The following TENM4 variants were observed in gnomAD, a reference collection of about 807,000 sequenced individuals.
TENM4 encodes teneurin transmembrane protein 4.
In TENM4, 82 loss-of-function variants were observed where a neutral mutation model predicts 243.3. The ratio of observed to expected loss-of-function variants is 0.34; its 90% CI spans 0.28 to 0.40. TENM4 has a LOEUF of 0.40. Among genes scored for constraint, TENM4 ranks in the 10% least tolerant of loss-of-function variants. TENM4 has a pLI of 1.00. For synonymous variants in TENM4, 1,412 were observed against 1,456.3 expected, an observed-to-expected ratio of 0.97 and a Z score of 0.69; for missense variants, 3,138 against 3,673.3, an observed-to-expected ratio of 0.85 and a Z score of 3.77.
At chr11:78,973,806 A>G (rs992148050) in intron 6 of TENM4, among the ~76,000 whole-genome samples, 1 of 151,794 alleles carries the variant, frequency 6.6e-6, no homozygotes, top group African/African-American at 2.4e-5. Flanking sequence ...CCAACTTAAT[A>G]CAAAGTTGAT....
At chr11:79,278,495 G>T (rs1373673579) in intron 2 of TENM4, among the ~76,000 whole-genome samples, 2 of 152,128 alleles carry the variant, frequency 1.3e-5, no homozygotes, top group Non-Finnish European at 2.9e-5. Context: ...CTTGCGATGG[G>T]GAAGCCAGCA....
rs377435178 is a variant in TENM4, at chr11:79,261,682, T to C, written c.-265+35806A>G. Among the ~76,000 whole-genome samples, 5 of 152,278 alleles carry C rather than the reference T, an allele frequency of 3.3e-5. No individual in the cohort carries two copies. In the East Asian group the frequency reaches 7.7e-4, roughly 24 times the overall value. ...GTAGGACGTGATGGCTTCTACAATT[T>C]TTTTGGTTTGCTTTTCTTTAGGAGG... On this transcript the variant is annotated intron_variant, in intron 2 of 33. Transcript: ENST00000278550.
Position 78,771,099 on chromosome 11 carries a change from G to T in TENM4, c.2432C>A (p.Thr811Asn), listed in dbSNP as rs1402039412. 3.2e-6 allele frequency: 5 copies of T among 1,573,610 alleles called. No homozygotes were observed. Among genetic ancestry groups the T allele is most frequent in the Non-Finnish European group, 3.5e-6 (4 of 1,159,400 alleles). The change falls in exon 18 of 34, where the codon ACC becomes AAC. Residue 811 changes from threonine to asparagine, a missense_variant. Physicochemically the swap from Thr to Asn is moderately conservative, Grantham distance 65. Transcript: ENST00000278550. Reference protein sequence around the residue: ...PGLCNGNGRCTLDLNGWHCVC... With the variant: ...PGLCNGNGRCNLDLNGWHCVC... ...GCAGTGCCAACCATTCAGGTCTAAG[G>T]TACATCTGCCGTTGCCATTGCACAA...
intron 6 of TENM4, among the ~76,000 whole-genome samples, chr11:79,030,651 A>T (rs918994815): frequency 1.4e-4 from 21 of 151,220 alleles, no homozygotes; most frequent in Non-Finnish European, 3.0e-4. Context: ...CTCAGGCAGG[A>T]CTCTTGGTGG....
chr11:78,880,276 A>G (rs567238416), intron 9 of TENM4, among the ~76,000 whole-genome samples: 2 of 152,286 alleles, frequency 1.3e-5, no homozygotes, highest in South Asian at 4.2e-4. Context: ...AAGAGTCATC[A>G]CCACTTCCTA....
chr11:79,001,153 T>C (rs1248756809), intron 6 of TENM4, among the ~76,000 whole-genome samples: 1 of 152,204 alleles, frequency 6.6e-6, no homozygotes, highest in South Asian at 2.1e-4. Flanking sequence ...TCCAATGATA[T>C]ATTGTCTATA....
chr11:78,950,924 T>C (rs1015189794), intron 6 of TENM4, among the ~76,000 whole-genome samples: 3 of 152,246 alleles, frequency 2.0e-5, no homozygotes, highest in Non-Finnish European at 2.9e-5. Context: ...GCGAAGCCCC[T>C]GGCACACTGT....
At chr11:79,349,218 G>A (rs1163968259) in intron 1 of TENM4, among the ~76,000 whole-genome samples, 1 of 152,150 alleles carries the variant, frequency 6.6e-6, no homozygotes, top group Non-Finnish European at 1.5e-5. Flanking sequence ...CAGCTCCTAT[G>A]TGAGGTTGCT....
At chr11:79,261,649 TG>T (rs148192192) in intron 2 of TENM4, among the ~76,000 whole-genome samples, 8,002 of 152,214 alleles carry the variant, frequency 0.053, 314 homozygotes, top group Middle Eastern at 0.12. Flanking sequence ...GAGAGAGCTG[TG>T]GGTTTTGTAG....
intron 33 of TENM4, among the ~76,000 whole-genome samples, chr11:78,659,367 A>C (rs1246368251): frequency 4.6e-5 from 7 of 152,216 alleles, no homozygotes; most frequent in Non-Finnish European, 8.8e-5. Flanking sequence ...GCTCACAGTC[A>C]TACAACTAAT....
intron 1 of TENM4, among the ~76,000 whole-genome samples, chr11:79,346,404 T>C (rs1218405713): frequency 6.6e-6 from 1 of 152,182 alleles, no homozygotes; most frequent in East Asian, 1.9e-4. Flanking sequence ...CTTATCATGC[T>C]GTCTGGCACA....
intron 6 of TENM4, among the ~76,000 whole-genome samples, chr11:79,028,480 T>C (rs74405440): frequency 0.019 from 2,860 of 152,308 alleles, 95 homozygotes; most frequent in African/African-American, 0.065. Context: ...GCCAATCTTT[T>C]CAAGAGCTCT....
chr11:78,917,739 T>C (rs887850600), intron 6 of TENM4, among the ~76,000 whole-genome samples: 1 of 152,160 alleles, frequency 6.6e-6, no homozygotes, highest in Non-Finnish European at 1.5e-5. Flanking sequence ...TGTCTTTCCA[T>C]TTCATCTTCC....
At chr11:79,353,788 G>C (rs1448584126) in intron 1 of TENM4, among the ~76,000 whole-genome samples, 3 of 152,058 alleles carry the variant, frequency 2.0e-5, no homozygotes, top group African/African-American at 7.2e-5. Flanking sequence ...TACCACTGGG[G>C]TCAGCAAACT....
intron 2 of TENM4, among the ~76,000 whole-genome samples, chr11:79,288,819 A>C (rs1487647512): frequency 6.6e-6 from 1 of 152,044 alleles, no homozygotes; most frequent in Non-Finnish European, 1.5e-5. Flanking sequence ...GGAAGGAGGG[A>C]TGTCTAAGGT....
At chr11:79,169,794 C>A (rs1380478578) in intron 3 of TENM4, among the ~76,000 whole-genome samples, 1 of 152,214 alleles carries the variant, frequency 6.6e-6, no homozygotes, top group African/African-American at 2.4e-5. Flanking sequence ...AGGTTTTGAG[C>A]ATGCATAAGG....
intron 1 of TENM4, among the ~76,000 whole-genome samples, chr11:79,312,793 T>C (rs1043946959): frequency 3.9e-5 from 6 of 152,116 alleles, no homozygotes; most frequent in African/African-American, 1.4e-4. Context: ...GCAGAGTGGA[T>C]CCAACCCCTG....
intron 1 of TENM4, among the ~76,000 whole-genome samples, chr11:79,300,023 C>T (rs1856525329): frequency 6.6e-6 from 1 of 152,248 alleles, no homozygotes; most frequent in South Asian, 2.1e-4. Flanking sequence ...TGTCCAATGA[C>T]ACCTCTTCCA....
chr11:78,663,764 T>G (rs1301956406), intron 32 of TENM4, among the ~76,000 whole-genome samples: 1 of 152,238 alleles, frequency 6.6e-6, no homozygotes, highest in Non-Finnish European at 1.5e-5. Flanking sequence ...ATAGGTAGGT[T>G]TAGGCAAAAT....
Sources: gnomAD v4.1 joint callset for allele counts (sites outside exome capture counted in the v4.1 genomes callset) on GRCh38, gnomAD v4.1.1 for gene constraint, MANE v1.5 for transcripts, NCBI Gene and HGNC (gene_info 2026-07-23, HGNC 2026-07-21) for gene names.